The following ZPLD1 variants were observed in gnomAD, a reference collection of about 807,000 sequenced individuals.
ZPLD1 encodes the protein zona pellucida-like domain-containing protein 1.
Under a neutral mutation model 47.2 loss-of-function variants are expected in ZPLD1, and 34 were observed. The observed-to-expected ratio is 0.72, with a 90% confidence interval of 0.55 to 0.96. ZPLD1 has a LOEUF of 0.96. Among genes scored for constraint, ZPLD1 ranks in the 40% least tolerant of loss-of-function variants. The probability of loss-of-function intolerance (pLI) is 0.00; values close to 1 mark genes in which losing one functional copy is unlikely to be tolerated. For missense variants in ZPLD1, 512 were observed against 505.8 expected (o/e 1.01, Z -0.12); for synonymous variants, 176 against 186.2 (o/e 0.95, Z 0.45).
upstream of ZPLD1, among the ~76,000 whole-genome samples, chr3:102,433,984 G>A (rs1225048501): frequency 2.0e-5 from 3 of 152,142 alleles, no homozygotes; most frequent in African/African-American, 4.8e-5. Context: ...CTGAAAATTA[G>A]TAGGACATTA....
chr3:102,474,515 C>T (rs1157355733), intron 10 of ZPLD1, among the ~76,000 whole-genome samples: 1 of 151,960 alleles, frequency 6.6e-6, no homozygotes, highest in East Asian at 1.9e-4. Flanking sequence ...TATGAACGAA[C>T]GTAACACTGT....
At chr3:102,442,605 C>T (rs1242621928) in intron 3 of ZPLD1, among the ~76,000 whole-genome samples, 11 of 152,050 alleles carry the variant, frequency 7.2e-5, no homozygotes, top group African/African-American at 2.4e-4. Flanking sequence ...CACGATCACC[C>T]TTGATGTCAT....
At chr3:102,411,610 G>C (rs1706748141) in intron 7 of ZPLD1, among the ~76,000 whole-genome samples, 1 of 151,800 alleles carries the variant, frequency 6.6e-6, no homozygotes, top group African/African-American at 2.4e-5. Context: ...TGGACAGATA[G>C]TGAATACGTG....
intron 8 of ZPLD1, among the ~76,000 whole-genome samples, chr3:102,419,116 G>T (rs1185256761): frequency 2.6e-5 from 4 of 151,950 alleles, no homozygotes; most frequent in Non-Finnish European, 4.4e-5. Context: ...AGGAAAATCA[G>T]AAACAGTTCT....
At chr3:102,434,329 C>T (rs917513578), upstream of ZPLD1, among the ~76,000 whole-genome samples, 4 of 152,076 alleles carry the variant, frequency 2.6e-5, no homozygotes, top group East Asian at 7.7e-4. Context: ...ATTAAAAGTG[C>T]ATTATATTTT....
rs577801416 is a variant in ZPLD1 at position 102,418,422 on chromosome 3, C to T, written c.-9+215C>T. ...GCAAAAGGAGGTTAAAAACATCTTC[C>T]CCTACTTGGGTGCAGGAAGATAGAA... On this transcript the variant is annotated intron_variant, in intron 8 of 17. Coordinates refer to the ZPLD1 transcript ENST00000491959. 6.6e-5 allele frequency among the ~76,000 whole-genome samples: 10 copies of T among 152,024 alleles called. No homozygotes were observed. The East Asian group carries it at 1.8e-3, about 27-fold the overall frequency.
intron 7 of ZPLD1, among the ~76,000 whole-genome samples, chr3:102,405,485 G>A (rs1033491195): frequency 4.6e-5 from 7 of 152,096 alleles, no homozygotes; most frequent in South Asian, 2.1e-4. Flanking sequence ...ATAACTAACA[G>A]AAGGCTTGAG....
At chr3:102,415,884 CCTT>C (rs2107302321) in intron 7 of ZPLD1, among the ~76,000 whole-genome samples, 1 of 151,908 alleles carries the variant, frequency 6.6e-6, no homozygotes, top group African/African-American at 2.4e-5. Context: ...CTAAATTCAA[CCTT>C]CTTTAGGAAC....
At chr3:102,397,296 C>G (rs1209114606) in intron 7 of ZPLD1, among the ~76,000 whole-genome samples, 1 of 152,146 alleles carries the variant, frequency 6.6e-6, no homozygotes, top group Non-Finnish European at 1.5e-5. Context: ...CAATGGCAGA[C>G]AGACTGTGAG....
chr3:102,391,680 C>T (rs542599239), intron 6 of ZPLD1, among the ~76,000 whole-genome samples: 1 of 152,140 alleles, frequency 6.6e-6, no homozygotes, highest in Non-Finnish European at 1.5e-5. Flanking sequence ...CTGAACCACT[C>T]CAACTGACTA....
At chr3:102,468,253 C>T (rs1445726700) in intron 8 of ZPLD1, among the ~76,000 whole-genome samples, 1 of 152,132 alleles carries the variant, frequency 6.6e-6, no homozygotes, top group African/African-American at 2.4e-5. Context: ...TTATATAGGG[C>T]AAAGTGACAA....
chr3:102,457,604 C>G (rs1056090602), intron 5 of ZPLD1, among the ~76,000 whole-genome samples, 177 bp from the exon 6 acceptor site: 1 of 152,150 alleles, frequency 6.6e-6, no homozygotes, highest in Non-Finnish European at 1.5e-5. Context: ...TTTACTTGTT[C>G]CCTCTTGCTT....
chr3:102,473,339 A>T (rs1039021426), intron 10 of ZPLD1, among the ~76,000 whole-genome samples: 5 of 152,214 alleles, frequency 3.3e-5, no homozygotes, highest in Non-Finnish European at 7.3e-5. Context: ...GGTTTCATCC[A>T]TCCCACATCC....
At chr3:102,405,034 C>T (rs372441073) in intron 7 of ZPLD1, among the ~76,000 whole-genome samples, 2 of 152,074 alleles carry the variant, frequency 1.3e-5, no homozygotes, top group South Asian at 2.1e-4. Flanking sequence ...CTTGTAACAG[C>T]TGCTGTGATA....
At position 102,458,589 on chromosome 3, in the gene ZPLD1, T is replaced by C. The variant is rs1707455901; in HGVS notation, c.582+736T>C. On this transcript the variant is annotated intron_variant, in intron 6 of 11. Coordinates refer to ENST00000466937, the MANE Select transcript of ZPLD1 (RefSeq NM_001329788.2). ...TTATTCATGTCATCATGGCACTGAG[T>C]TATAATTCATGCAACTGATTTAAAA... is the stretch of plus-strand genomic sequence containing the variant. Among the ~76,000 whole-genome samples, 8 of 152,286 alleles carry C rather than the reference T, an allele frequency of 5.3e-5. No individual in the cohort carries two copies. In the South Asian group the frequency reaches 1.5e-3, roughly 28 times the overall value.
intron 3 of ZPLD1, among the ~76,000 whole-genome samples, chr3:102,440,549 A>G (rs1314492647): frequency 1.3e-5 from 2 of 152,180 alleles, no homozygotes; most frequent in African/African-American, 4.8e-5. Flanking sequence ...TTTTTAGAAT[A>G]TATAGTGGCA....
chr3:102,418,513 G>A (rs560378840), intron 8 of ZPLD1, among the ~76,000 whole-genome samples: 1 of 152,024 alleles, frequency 6.6e-6, no homozygotes, highest in African/African-American at 2.4e-5. Flanking sequence ...AGAAAGGACC[G>A]AGTCTTTTGG....
chr3:102,385,168 C>T (rs546714187), exon 6 of ZPLD1: 2 of 152,294 alleles, frequency 1.3e-5, no homozygotes, highest in South Asian at 2.1e-4. Flanking sequence ...AGTGACTGCA[C>T]CCACATAGAC....
At chr3:102,468,541 A>G (rs1019991501) in intron 8 of ZPLD1, among the ~76,000 whole-genome samples, 3 of 152,182 alleles carry the variant, frequency 2.0e-5, no homozygotes, top group Non-Finnish European at 4.4e-5. Flanking sequence ...CATAGTGTAG[A>G]CAATATGCTA....
Sources: allele counts gnomAD v4.1 joint callset (sites outside exome capture counted in the v4.1 genomes callset), GRCh38; gene constraint gnomAD v4.1.1; transcripts MANE v1.5; gene names NCBI Gene and HGNC (gene_info 2026-07-23, HGNC 2026-07-21).